The following TIAM1 variants were observed in gnomAD, a reference collection of about 807,000 sequenced individuals.
TIAM1 encodes TIAM Rac1 associated GEF 1, also known as rho guanine nucleotide exchange factor TIAM1.
Under a neutral mutation model 163.5 loss-of-function variants are expected in TIAM1, and 65 were observed. The ratio of observed to expected loss-of-function variants is 0.40; its 90% CI spans 0.33 to 0.49. TIAM1 has a LOEUF of 0.49. TIAM1 is among the 20% of genes least tolerant of loss of function. The pLI is 0.77. For synonymous variants in TIAM1, 833 were observed against 810.1 expected (o/e 1.03, Z -0.48); for missense variants, 1,789 against 2,044.7 (o/e 0.87, Z 2.41).
chr21:31,252,312 A>G (rs1179162061), intron 4 of TIAM1, 123 bp from the exon 5 acceptor site: 6 of 1,051,270 alleles, frequency 5.7e-6, no homozygotes, highest in Non-Finnish European at 8.3e-6. Context: ...CATAAGGCAC[A>G]GCCACTCCTG....
intron 2 of TIAM1, among the ~76,000 whole-genome samples, chr21:31,355,663 T>C (rs1420299741): frequency 6.6e-6 from 1 of 152,108 alleles, no homozygotes; most frequent in African/African-American, 2.4e-5. Context: ...GCAATGCTCT[T>C]GCCTCCGCCT....
chr21:31,138,639 T>C (rs568756359), intron 22 of TIAM1, among the ~76,000 whole-genome samples: 3 of 152,242 alleles, frequency 2.0e-5, no homozygotes, highest in African/African-American at 7.2e-5. Context: ...AGAATTGTCA[T>C]TGATCTTGGC....
chr21:31,138,141 C>T (rs978135462), intron 22 of TIAM1, among the ~76,000 whole-genome samples: 7 of 151,886 alleles, frequency 4.6e-5, no homozygotes, highest in African/African-American at 1.7e-4. Context: ...ACTGGGATGC[C>T]CGACTGAGTC....
intron 2 of TIAM1, among the ~76,000 whole-genome samples, chr21:31,388,012 C>T (rs1015945819): frequency 3.9e-5 from 6 of 152,094 alleles, no homozygotes; most frequent in African/African-American, 1.4e-4. Flanking sequence ...CACTCTGTTG[C>T]TCAGGCTTTC....
At chr21:31,125,474 C>T (rs925529820) in intron 26 of TIAM1, among the ~76,000 whole-genome samples, 1 of 152,212 alleles carries the variant, frequency 6.6e-6, no homozygotes, top group Non-Finnish European at 1.5e-5. Flanking sequence ...CTGACAGCTT[C>T]CCGGGGATCT....
At chr21:31,185,441 T>G (rs949248913) in intron 14 of TIAM1, among the ~76,000 whole-genome samples, 1 of 145,392 alleles carries the variant, frequency 6.9e-6, no homozygotes, top group African/African-American at 2.5e-5. Flanking sequence ...TTATATATAA[T>G]TATATTAACG....
intron 6 of TIAM1, among the ~76,000 whole-genome samples, chr21:31,234,504 G>T (rs2088634523): frequency 6.6e-6 from 1 of 151,982 alleles, no homozygotes; most frequent in South Asian, 2.1e-4. Flanking sequence ...ACACCAGCAA[G>T]GTGCAGTGGC....
chr21:31,437,713 C>A (rs975854911), intron 2 of TIAM1, among the ~76,000 whole-genome samples: 1 of 151,988 alleles, frequency 6.6e-6, no homozygotes, highest in Admixed American at 6.6e-5. Context: ...AGCACCTCCA[C>A]CCTCTCTCTC....
intron 2 of TIAM1, among the ~76,000 whole-genome samples, chr21:31,315,966 G>A (rs2075111162): frequency 6.6e-6 from 1 of 152,206 alleles, no homozygotes; most frequent in Non-Finnish European, 1.5e-5. Context: ...GACAGAGCGA[G>A]ACTCGGTCTC....
chr21:31,448,609 T>TAA (rs36095276), intron 2 of TIAM1, among the ~76,000 whole-genome samples: 9,039 of 128,636 alleles, frequency 0.07, 1,074 homozygotes, highest in East Asian at 0.53. Context: ...CCATCTCAAT[T>TAA]AAAAAAAAAA....
intron 1 of TIAM1, among the ~76,000 whole-genome samples, chr21:31,513,530 G>A (rs1425125984): frequency 6.6e-6 from 1 of 152,190 alleles, no homozygotes; most frequent in East Asian, 1.9e-4. Flanking sequence ...CACCCTTTCA[G>A]CAGTCATCAT....
At chr21:31,374,078 C>A (rs565670367) in intron 2 of TIAM1, among the ~76,000 whole-genome samples, 1 of 152,190 alleles carries the variant, frequency 6.6e-6, no homozygotes, top group Non-Finnish European at 1.5e-5. Flanking sequence ...CCAGCCATGC[C>A]CTTGTTGGGG....
intron 2 of TIAM1, among the ~76,000 whole-genome samples, chr21:31,420,534 T>C (rs2043530344): frequency 6.6e-6 from 1 of 152,216 alleles, no homozygotes; most frequent in South Asian, 2.1e-4. Context: ...AAGCAAAGCA[T>C]ATCAGATTGT....
chr21:31,479,075 C>CAAGAA (rs1234159084), intron 1 of TIAM1, among the ~76,000 whole-genome samples: 1 of 152,144 alleles, frequency 6.6e-6, no homozygotes. Context: ...ACTATTGAGA[C>CAAGAA]AAGGAACAAA....
intron 2 of TIAM1, among the ~76,000 whole-genome samples, chr21:31,414,204 C>CG (rs1349893183): frequency 6.6e-6 from 1 of 152,162 alleles, no homozygotes; most frequent in African/African-American, 2.4e-5. Context: ...TTTGTGACAG[C>CG]GGAACATACA....
intron 1 of TIAM1, among the ~76,000 whole-genome samples, chr21:31,540,009 T>C (rs963293835): frequency 1.4e-5 from 2 of 143,004 alleles, no homozygotes; most frequent in African/African-American, 5.3e-5. Context: ...CTAGGCAACA[T>C]AGTGAAACCT....
chr21:31,258,148 CCA>C (rs1167050553), intron 4 of TIAM1, among the ~76,000 whole-genome samples: 2 of 152,004 alleles, frequency 1.3e-5, no homozygotes, highest in African/African-American at 4.8e-5. Flanking sequence ...CTGTTTTCTG[CCA>C]CACACACACC....
chr21:31,212,030 C>A (rs981520500), intron 10 of TIAM1, among the ~76,000 whole-genome samples: 2 of 152,182 alleles, frequency 1.3e-5, no homozygotes, highest in African/African-American at 2.4e-5. Context: ...AAGTTAACAT[C>A]AAAAACTATG....
intron 1 of TIAM1, among the ~76,000 whole-genome samples, chr21:31,552,208 C>G (rs2048716292): frequency 6.6e-6 from 1 of 151,860 alleles, no homozygotes; most frequent in African/African-American, 2.4e-5. Flanking sequence ...CAGGTGTGCG[C>G]CACCACACCC....
Sources: allele counts gnomAD v4.1 joint callset (sites outside exome capture counted in the v4.1 genomes callset), GRCh38; gene constraint gnomAD v4.1.1; transcripts MANE v1.5; gene names NCBI Gene and HGNC (gene_info 2026-07-23, HGNC 2026-07-21).